The following ROBO1 variants were observed in gnomAD, a reference collection of about 807,000 sequenced individuals.
ROBO1 encodes the protein roundabout guidance receptor 1.
ROBO1 carries 149 observed loss-of-function variants against 195.9 expected under a neutral mutation model. The observed-to-expected ratio is 0.76, with a 90% confidence interval of 0.67 to 0.87. The LOEUF is 0.87. Ranked by LOEUF, ROBO1 falls within the 40% of genes least tolerant of loss-of-function variation. The pLI is 0.00. For missense variants in ROBO1, 1,933 were observed against 2,068.3 expected (o/e 0.93, Z 1.27); for synonymous variants, 816 against 733.2 (o/e 1.11, Z -1.82).
intron 2 of ROBO1, among the ~76,000 whole-genome samples, chr3:79,207,356 A>G (rs1362484171): frequency 6.6e-6 from 1 of 152,124 alleles, no homozygotes; most frequent in African/African-American, 2.4e-5. Flanking sequence ...TGGCCAGCTA[A>G]CCTATAAATT....
intron 1 of ROBO1, among the ~76,000 whole-genome samples, chr3:79,726,953 T>C (rs1215570313): frequency 6.6e-6 from 1 of 152,188 alleles, no homozygotes; most frequent in Non-Finnish European, 1.5e-5. Flanking sequence ...AGTCTTAGGT[T>C]TGACTAATTG....
intron 2 of ROBO1, among the ~76,000 whole-genome samples, chr3:79,205,289 C>T (rs779325763): frequency 1.3e-5 from 2 of 152,072 alleles, no homozygotes; most frequent in African/African-American, 4.8e-5. Flanking sequence ...CCACCATGTC[C>T]GGCCTCTAGA....
intron 4 of ROBO1, among the ~76,000 whole-genome samples, chr3:78,897,295 C>A (rs1366215502): frequency 6.6e-6 from 1 of 152,118 alleles, no homozygotes; most frequent in Non-Finnish European, 1.5e-5. Flanking sequence ...CAGTATTTTT[C>A]GAAGCACCAT....
intron 8 of ROBO1, among the ~76,000 whole-genome samples, chr3:78,704,661 CAAAAAAAAAAA>C (rs1160098731): frequency 3.2e-5 from 2 of 61,684 alleles, no homozygotes; most frequent in South Asian, 5.7e-4. Flanking sequence ...CTCATCTCTC[CAAAAAAAAAAA>C]AAAAAAAAAA....
chr3:79,449,234 A>G (rs949712093), intron 2 of ROBO1, among the ~76,000 whole-genome samples: 3 of 152,148 alleles, frequency 2.0e-5, no homozygotes, highest in African/African-American at 7.2e-5. Context: ...CTATCTCAAA[A>G]AAATAAAAAT....
intron 2 of ROBO1, among the ~76,000 whole-genome samples, chr3:79,402,034 T>A (rs1332735568): frequency 6.6e-6 from 1 of 151,900 alleles, no homozygotes; most frequent in Non-Finnish European, 1.5e-5. Flanking sequence ...TGATTCTTTT[T>A]TATTTTTTGA....
At chr3:79,036,962 C>T (rs1244212093) in intron 3 of ROBO1, among the ~76,000 whole-genome samples, 3 of 152,038 alleles carry the variant, frequency 2.0e-5, no homozygotes, top group East Asian at 1.9e-4. Flanking sequence ...GTCTATAAAT[C>T]GATGACGTGT....
chr3:78,673,873 C>T (rs1232194930), intron 10 of ROBO1, among the ~76,000 whole-genome samples: 1 of 151,514 alleles, frequency 6.6e-6, no homozygotes, highest in Non-Finnish European at 1.5e-5. Context: ...AGATAAAGAG[C>T]ATAATTGTCA....
intron 3 of ROBO1, among the ~76,000 whole-genome samples, chr3:79,067,219 A>T (rs2079018213): frequency 6.6e-6 from 1 of 151,962 alleles, no homozygotes; most frequent in African/African-American, 2.4e-5. Context: ...ATACTTATGT[A>T]AAAAAAGTTG....
rs2079243400 is a variant in ROBO1 at position 79,080,060 on chromosome 3, A to C, written c.172+45396T>G. Among the ~76,000 whole-genome samples, 5 of 151,844 alleles carry C rather than the reference A, an allele frequency of 3.3e-5. No homozygotes were observed. The South Asian group carries it at 1.0e-3, about 31-fold the overall frequency. On this transcript the variant is annotated intron_variant, in intron 3 of 30. Transcript: ENST00000464233. ...TATTAAAAAGAACAAGAATATAAAC[A>C]AGATGATAATGTTAGTGGTGTGTTC...
At chr3:79,014,112 C>G (rs992099298) in intron 3 of ROBO1, among the ~76,000 whole-genome samples, 1 of 152,066 alleles carries the variant, frequency 6.6e-6, no homozygotes, top group African/African-American at 2.4e-5. Context: ...AAACTGCAAA[C>G]TATCTAGTTC....
At chr3:79,542,251 A>T (rs1465591897) in intron 2 of ROBO1, among the ~76,000 whole-genome samples, 2 of 152,060 alleles carry the variant, frequency 1.3e-5, no homozygotes, top group Non-Finnish European at 2.9e-5. Flanking sequence ...ATGAATCTGT[A>T]CCATTATATT....
At chr3:79,094,568 T>G (rs2079532972) in intron 3 of ROBO1, among the ~76,000 whole-genome samples, 1 of 152,168 alleles carries the variant, frequency 6.6e-6, no homozygotes, top group South Asian at 2.1e-4. Flanking sequence ...ATAATGAGAT[T>G]GCCGAAGGCA....
At chr3:79,200,141 A>G (rs1415172205) in intron 2 of ROBO1, among the ~76,000 whole-genome samples, 1 of 151,784 alleles carries the variant, frequency 6.6e-6, no homozygotes, top group Non-Finnish European at 1.5e-5. Context: ...CAAGAAGTGA[A>G]AAGTATTGTA....
chr3:78,878,719 A>G (rs2036005181), intron 4 of ROBO1, among the ~76,000 whole-genome samples: 1 of 141,830 alleles, frequency 7.1e-6, no homozygotes, highest in Non-Finnish European at 1.6e-5. Context: ...TACTTAAGCT[A>G]AATAGAGTAT....
chr3:78,830,939 G>A (rs2032134162), intron 4 of ROBO1, among the ~76,000 whole-genome samples: 1 of 151,924 alleles, frequency 6.6e-6, no homozygotes, highest in Admixed American at 6.6e-5. Flanking sequence ...TTGAGATGGA[G>A]TCTCGCTCTG....
chr3:79,710,126 C>T (rs180683501), intron 1 of ROBO1, among the ~76,000 whole-genome samples: 76 of 151,986 alleles, frequency 5.0e-4, no homozygotes, highest in African/African-American at 1.7e-3. Flanking sequence ...GTAAGGGAGA[C>T]GAGAGATATT....
intron 4 of ROBO1, among the ~76,000 whole-genome samples, chr3:78,917,934 AAT>A (rs2038715120): frequency 6.6e-6 from 1 of 152,156 alleles, no homozygotes; most frequent in African/African-American, 2.4e-5. Flanking sequence ...AATTCATATT[AAT>A]ATTTAAGGAC....
At chr3:79,070,909 A>C (rs1161738555) in intron 3 of ROBO1, among the ~76,000 whole-genome samples, 2 of 151,688 alleles carry the variant, frequency 1.3e-5, no homozygotes, top group Non-Finnish European at 3.0e-5. Flanking sequence ...TGACTTTTAA[A>C]ATTTTTTATT....
Sources: allele counts gnomAD v4.1 joint callset (sites outside exome capture counted in the v4.1 genomes callset), GRCh38; gene constraint gnomAD v4.1.1; transcripts MANE v1.5; gene names NCBI Gene and HGNC (gene_info 2026-07-23, HGNC 2026-07-21).